Variants in CDKAL1 observed in about 807,000 individuals in gnomAD.
The protein encoded by CDKAL1 is CDKAL1 threonylcarbamoyladenosine tRNA methylthiotransferase, also known as threonylcarbamoyladenosine tRNA methylthiotransferase.
CDKAL1 carries 32 observed loss-of-function variants against 68.2 expected under a neutral mutation model. That is an observed-to-expected ratio of 0.47 (90% CI 0.35 to 0.63). The LOEUF (loss-of-function observed/expected upper bound fraction) is 0.63. CDKAL1 is among the 30% of genes least tolerant of loss of function. The pLI is 0.00. For missense variants in CDKAL1, 606 were observed against 696.7 expected (o/e 0.87, Z 1.47); for synonymous variants, 234 against 244.3 (o/e 0.96, Z 0.39).
At chr6:20,692,307 C>G (rs1275012852) in intron 5 of CDKAL1, among the ~76,000 whole-genome samples, 1 of 152,188 alleles carries the variant, frequency 6.6e-6, no homozygotes, top group East Asian at 1.9e-4. Context: ...GTTTGTTACT[C>G]AACCTCCAAG....
intron 5 of CDKAL1, among the ~76,000 whole-genome samples, chr6:20,703,343 C>T (rs764562318): frequency 1.3e-5 from 2 of 151,892 alleles, no homozygotes; most frequent in Non-Finnish European, 2.9e-5. Flanking sequence ...TGAGTAGTTA[C>T]GATAGAGACT....
chr6:20,884,969 G>T (rs1473433347), intron 9 of CDKAL1, among the ~76,000 whole-genome samples: 1 of 138,636 alleles, frequency 7.2e-6, no homozygotes, highest in African/African-American at 2.7e-5. Flanking sequence ...TCTTAAAAAA[G>T]AAAAAAAAAA....
intron 11 of CDKAL1, among the ~76,000 whole-genome samples, chr6:21,016,195 C>G (rs191479221): frequency 6.6e-6 from 1 of 151,600 alleles, no homozygotes; most frequent in African/African-American, 2.4e-5. Context: ...TACAACAATT[C>G]TGTGAAACAG....
In CDKAL1 at chr6:21,232,003, G is replaced by GTTTTGTT. The variant is rs1779993397; in HGVS notation, c.*968_*969insGTTTTTT. 2 of 76,088 alleles carry GTTTTGTT rather than the reference G, an allele frequency of 2.6e-5. No individual in the cohort carries two copies. Among genetic ancestry groups the GTTTTGTT allele is most frequent in the African/African-American group, 3.5e-5 (1 of 28,240 alleles). 4.7% of individuals were successfully genotyped at this position (76,088 alleles called of 1,614,324 possible). A position where few individuals can be genotyped will look rare whatever the true frequency, so the allele number is the denominator to read the frequency against. ...TTTGATCCATTGGGGTTTTTTTTTT[G>GTTTTGTT]TTTTTGTTTTTTTTTTTTTTTGAGT... is the stretch of plus-strand genomic sequence containing the variant. On this transcript the variant is annotated 3_prime_UTR_variant, in exon 16 of 16. Coordinates refer to ENST00000274695, the MANE Select transcript of CDKAL1 (RefSeq NM_017774.3).
chr6:20,879,335 C>G (rs1760698252), intron 9 of CDKAL1, among the ~76,000 whole-genome samples: 1 of 152,176 alleles, frequency 6.6e-6, no homozygotes, highest in African/African-American at 2.4e-5. Flanking sequence ...TTGGTCTTCC[C>G]TGGTCAGGAG....
rs138658240 is a variant in CDKAL1, at chr6:20,769,990, A to G, written c.518-11155A>G. Among the ~76,000 whole-genome samples, 1,161 of 152,276 alleles carry G rather than the reference A, an allele frequency of 7.6e-3. 12 individuals are homozygous for G. Among genetic ancestry groups the G allele is most frequent in the Non-Finnish European group, 8.7e-3 (592 of 68,022 alleles). On this transcript the variant is annotated intron_variant, in intron 7 of 15. Coordinates refer to ENST00000274695, the MANE Select transcript of CDKAL1 (RefSeq NM_017774.3). ...TTTTCTTTTCTGATACCTGTTGTTT[A>G]AGATCACTGCTCACTTTTTTTCCAT...
At chr6:21,225,611 C>T (rs1014785251) in intron 15 of CDKAL1, among the ~76,000 whole-genome samples, 3 of 152,144 alleles carry the variant, frequency 2.0e-5, no homozygotes, top group African/African-American at 7.2e-5. Context: ...GATGGCTTTC[C>T]TTCTTCACAG....
At chr6:20,839,934 C>T (rs914664170) in intron 8 of CDKAL1, among the ~76,000 whole-genome samples, 1 of 152,038 alleles carries the variant, frequency 6.6e-6, no homozygotes, top group African/African-American at 2.4e-5. Flanking sequence ...AATGCTATAG[C>T]AGATAGTAAA....
chr6:20,873,674 A>ATTGTCCC (rs1760339774), intron 9 of CDKAL1, among the ~76,000 whole-genome samples: 2 of 152,150 alleles, frequency 1.3e-5, no homozygotes, highest in Admixed American at 6.5e-5. Flanking sequence ...CAGGAGGGCC[A>ATTGTCCC]TTGTCCCACC....
At chr6:20,960,542 C>T (rs1765005642) in intron 10 of CDKAL1, among the ~76,000 whole-genome samples, 1 of 152,150 alleles carries the variant, frequency 6.6e-6, no homozygotes, top group African/African-American at 2.4e-5. Flanking sequence ...TGTAGAAATC[C>T]AACATGACTG....
intron 4 of CDKAL1, among the ~76,000 whole-genome samples, chr6:20,609,294 C>CCTTCTCCTTCTTCTT (rs1158256857): frequency 6.9e-6 from 1 of 145,744 alleles, no homozygotes; most frequent in Non-Finnish European, 1.5e-5. Flanking sequence ...TCCTTCTTCT[C>CCTTCTCCTTCTTCTT]CTTCTCCTCC....
At chr6:21,020,788 T>TC (rs1768616123) in intron 11 of CDKAL1, among the ~76,000 whole-genome samples, 1 of 151,164 alleles carries the variant, frequency 6.6e-6, no homozygotes, top group Non-Finnish European at 1.5e-5. Context: ...TTTTTTTTTT[T>TC]TTTTAAGAGA....
At chr6:21,195,660 A>G (rs938848573) in intron 13 of CDKAL1, among the ~76,000 whole-genome samples, 5 of 151,614 alleles carry the variant, frequency 3.3e-5, no homozygotes, top group Admixed American at 3.3e-4. Flanking sequence ...ATAGGCACAC[A>G]CCACCACACT....
chr6:21,124,570 TA>T (rs1212224755), intron 13 of CDKAL1, among the ~76,000 whole-genome samples: 2 of 151,842 alleles, frequency 1.3e-5, no homozygotes, highest in Non-Finnish European at 2.9e-5. Flanking sequence ...CCACTCCCTT[TA>T]CCCACTACTT....
At chr6:21,119,136 TC>T (rs1279048978) in intron 13 of CDKAL1, among the ~76,000 whole-genome samples, 1 of 152,128 alleles carries the variant, frequency 6.6e-6, no homozygotes, top group Non-Finnish European at 1.5e-5. Context: ...GCTCCTTTCC[TC>T]CCCTCCCTTC....
At chr6:20,904,876 T>C (rs1762166335) in intron 9 of CDKAL1, among the ~76,000 whole-genome samples, 1 of 152,024 alleles carries the variant, frequency 6.6e-6, no homozygotes, top group Non-Finnish European at 1.5e-5. Flanking sequence ...ACCTTAAGTT[T>C]ACACCTCAGG....
At chr6:20,684,267 C>G (rs541331368) in intron 5 of CDKAL1, among the ~76,000 whole-genome samples, 1 of 152,298 alleles carries the variant, frequency 6.6e-6, no homozygotes, top group African/African-American at 2.4e-5. Flanking sequence ...CATGGCAAAA[C>G]CCTGTCTCTA....
At chr6:20,634,194 C>T (rs1162326442) in intron 4 of CDKAL1, among the ~76,000 whole-genome samples, 1 of 152,072 alleles carries the variant, frequency 6.6e-6, no homozygotes, top group Non-Finnish European at 1.5e-5. Context: ...TTGGTTAGGG[C>T]CTGCTCCTTT....
intron 15 of CDKAL1, among the ~76,000 whole-genome samples, chr6:21,206,110 C>T (rs1332336363): frequency 2.0e-5 from 3 of 152,046 alleles, no homozygotes; most frequent in Non-Finnish European, 2.9e-5. Flanking sequence ...GGATTACAGG[C>T]GTGAGCCACC....
Sources: gnomAD v4.1 joint callset for allele counts (sites outside exome capture counted in the v4.1 genomes callset) on GRCh38, gnomAD v4.1.1 for gene constraint, MANE v1.5 for transcripts, NCBI Gene and HGNC (gene_info 2026-07-23, HGNC 2026-07-21) for gene names.